The following PTPRD variants were observed in gnomAD, a reference collection of about 807,000 sequenced individuals.
PTPRD encodes the protein protein tyrosine phosphatase receptor type D.
Under a neutral mutation model 214.5 loss-of-function variants are expected in PTPRD, and 34 were observed. That is an observed-to-expected ratio of 0.16 (90% CI 0.12 to 0.21). The LOEUF (loss-of-function observed/expected upper bound fraction) is 0.21, where lower values mean the gene tolerates loss of function less well. Among genes scored for constraint, PTPRD ranks in the 10% least tolerant of loss-of-function variants. PTPRD has a pLI of 1.00. For synonymous variants in PTPRD, 1,128 were observed against 845.7 expected, an observed-to-expected ratio of 1.33 and a Z score of -5.79; for missense variants, 2,545 against 2,398.7, an observed-to-expected ratio of 1.06 and a Z score of -1.27.
chr9:10,315,723 C>T (rs635580), intron 3 of PTPRD, among the ~76,000 whole-genome samples: 35,271 of 151,672 alleles, frequency 0.23, 4,535 homozygotes, highest in African/African-American at 0.35. Flanking sequence ...TTTACAGTTC[C>T]GCAGGGCACA....
intron 8 of PTPRD, among the ~76,000 whole-genome samples, chr9:9,554,144 T>A (rs1252925554): frequency 6.6e-6 from 1 of 152,042 alleles, no homozygotes; most frequent in African/African-American, 2.4e-5. Flanking sequence ...CCAAAAATAT[T>A]AATTGCAAAC....
intron 10 of PTPRD, among the ~76,000 whole-genome samples, chr9:9,119,789 G>T (rs1343268372): frequency 6.6e-6 from 1 of 151,444 alleles, no homozygotes; most frequent in East Asian, 1.9e-4. Flanking sequence ...CTCCCAAAGT[G>T]CTAGGATTAC....
intron 35 of PTPRD, among the ~76,000 whole-genome samples, chr9:8,410,258 C>T (rs1251141827): frequency 6.6e-6 from 1 of 152,144 alleles, no homozygotes; most frequent in Admixed American, 6.5e-5. Context: ...CAGTTGAATC[C>T]TATGATGTTT....
At chr9:9,624,282 T>G (rs552056940) in intron 7 of PTPRD, among the ~76,000 whole-genome samples, 1 of 150,122 alleles carries the variant, frequency 6.7e-6, no homozygotes, top group African/African-American at 2.5e-5. Context: ...TTTTTTTTTG[T>G]TTGTTTGTTT....
intron 10 of PTPRD, among the ~76,000 whole-genome samples, chr9:9,080,052 T>A (rs1391040681): frequency 6.6e-6 from 1 of 152,100 alleles, no homozygotes; most frequent in Non-Finnish European, 1.5e-5. Flanking sequence ...CATGTAGAAT[T>A]CTGGGTTTAA....
intron 7 of PTPRD, among the ~76,000 whole-genome samples, chr9:9,603,791 A>G (rs950289964): frequency 4.6e-5 from 7 of 152,190 alleles, no homozygotes; most frequent in African/African-American, 1.7e-4. Flanking sequence ...ACTGCTATAA[A>G]GTATATAGAA....
intron 2 of PTPRD, among the ~76,000 whole-genome samples, chr9:10,393,380 T>A (rs7028367): frequency 0.54 from 82,051 of 151,548 alleles, 25,354 homozygotes; most frequent in Non-Finnish European, 0.72. Flanking sequence ...ATGATCCATA[T>A]CATAATGAGA....
At chr9:10,343,543 G>A (rs1265748510) in intron 2 of PTPRD, among the ~76,000 whole-genome samples, 1 of 152,104 alleles carries the variant, frequency 6.6e-6, no homozygotes, top group African/African-American at 2.4e-5. Context: ...GGTCCTTGAG[G>A]AATCGCCACA....
chr9:9,639,097 G>A (rs918562029), intron 7 of PTPRD, among the ~76,000 whole-genome samples: 11 of 152,086 alleles, frequency 7.2e-5, no homozygotes, highest in Non-Finnish European at 1.3e-4. Context: ...AGCAAATCTC[G>A]AATCCTTTCC....
intron 29 of PTPRD, among the ~76,000 whole-genome samples, chr9:8,484,617 CAT>C (rs146338445): frequency 4.1e-5 from 6 of 147,812 alleles, no homozygotes; most frequent in East Asian, 2.0e-4. Flanking sequence ...TAGATATATA[CAT>C]ATATATATAT....
At chr9:8,621,246 G>T (rs531643435) in intron 14 of PTPRD, among the ~76,000 whole-genome samples, 2 of 151,874 alleles carry the variant, frequency 1.3e-5, no homozygotes, top group Admixed American at 6.6e-5. Flanking sequence ...GGGGGTCTTC[G>T]AACAAGAATT....
intron 11 of PTPRD, among the ~76,000 whole-genome samples, chr9:8,969,445 T>G (rs898962012): frequency 6.6e-6 from 1 of 152,086 alleles, no homozygotes; most frequent in Non-Finnish European, 1.5e-5. Context: ...ACATTGTTTG[T>G]GTTATTGAAG....
At chr9:8,401,816 C>G (rs1423217379) in intron 36 of PTPRD, among the ~76,000 whole-genome samples, 1 of 152,090 alleles carries the variant, frequency 6.6e-6, no homozygotes, top group Admixed American at 6.5e-5. Flanking sequence ...GTAACTAGCA[C>G]CACTGAGAGA....
intron 2 of PTPRD, among the ~76,000 whole-genome samples, chr9:10,551,010 ATGGAGAC>A (rs2061230816): frequency 1.3e-5 from 2 of 152,162 alleles, no homozygotes; most frequent in Admixed American, 6.5e-5. Flanking sequence ...CCTTAATAGC[ATGGAGAC>A]TTTGACACAA....
chr9:8,472,444 A>G (rs998354248), intron 30 of PTPRD, among the ~76,000 whole-genome samples: 2 of 152,014 alleles, frequency 1.3e-5, no homozygotes, highest in Non-Finnish European at 2.9e-5. Flanking sequence ...TCAAAGCAAA[A>G]CCTGTAATAA....
intron 14 of PTPRD, among the ~76,000 whole-genome samples, chr9:8,618,892 G>C (rs1473331723): frequency 1.8e-4 from 25 of 139,692 alleles, no homozygotes; most frequent in African/African-American, 6.6e-4. Context: ...GTGTGTGTGT[G>C]TGTGTTTGTC....
Position 9,744,875 on chromosome 9 carries a change from C to G in PTPRD, c.-325-10304G>C, listed in dbSNP as rs777793939. 2.7e-4 allele frequency among the ~76,000 whole-genome samples: 41 copies of G among 151,952 alleles called. 1 individual carries two copies. Among genetic ancestry groups the G allele is most frequent in the Non-Finnish European group, 8.8e-5 (6 of 67,968 alleles). On this transcript the variant is annotated intron_variant, in intron 6 of 45. Transcript: ENST00000381196. The stretch of plus-strand genomic sequence containing the variant: ...TTTAATAATACCAACAATTTTACAA[C>G]TAAAAATATGTGCTTGAGTATATCA...
At chr9:10,453,945 C>T (rs941078546) in intron 2 of PTPRD, among the ~76,000 whole-genome samples, 1 of 151,402 alleles carries the variant, frequency 6.6e-6, no homozygotes, top group East Asian at 1.9e-4. Flanking sequence ...TCATATATGG[C>T]CTTTATCATG....
At chr9:9,362,550 T>A (rs927030550) in intron 9 of PTPRD, among the ~76,000 whole-genome samples, 2 of 151,140 alleles carry the variant, frequency 1.3e-5, no homozygotes, top group Non-Finnish European at 3.0e-5. Context: ...CTAATGTGTC[T>A]TGTATAACTT....
Sources: allele counts gnomAD v4.1 joint callset (sites outside exome capture counted in the v4.1 genomes callset), GRCh38; gene constraint gnomAD v4.1.1; transcripts MANE v1.5; gene names NCBI Gene and HGNC (gene_info 2026-07-23, HGNC 2026-07-21).